PIK3C2G: variants seen among roughly 807,000 people sequenced by gnomAD.
PIK3C2G encodes the protein phosphatidylinositol 3-kinase C2 domain-containing subunit gamma.
PIK3C2G carries 168 observed loss-of-function variants against 181.1 expected under a neutral mutation model. That is an observed-to-expected ratio of 0.93 (90% CI 0.82 to 1.05). The LOEUF is 1.05. PIK3C2G is among the 50% of genes least tolerant of loss of function. The pLI, the probability that PIK3C2G is intolerant of heterozygous loss-of-function variation, is 0.00. For missense variants in PIK3C2G, 1,869 were observed against 1,732.8 expected, an observed-to-expected ratio of 1.08 and a Z score of -1.40; for synonymous variants, 573 against 592.2, an observed-to-expected ratio of 0.97 and a Z score of 0.47.
At chr12:18,643,135 G>A (rs1253925944) in intron 32 of PIK3C2G, among the ~76,000 whole-genome samples, 1 of 151,950 alleles carries the variant, frequency 6.6e-6, no homozygotes, top group Non-Finnish European at 1.5e-5. Flanking sequence ...CAAGCTTTAT[G>A]TATTATAAGA....
intron 24 of PIK3C2G, among the ~76,000 whole-genome samples, chr12:18,535,880 T>C (rs1371888049): frequency 6.6e-6 from 1 of 152,014 alleles, no homozygotes; most frequent in African/African-American, 2.4e-5. Flanking sequence ...ACACCGCATG[T>C]TCTCACTCAC....
chr12:18,443,308 GTGTA>G (rs950166216), intron 18 of PIK3C2G, among the ~76,000 whole-genome samples: 12 of 152,104 alleles, frequency 7.9e-5, no homozygotes, highest in African/African-American at 1.9e-4. Context: ...GTGTTTGTGA[GTGTA>G]TGTATGTATG....
intron 25 of PIK3C2G, among the ~76,000 whole-genome samples, chr12:18,545,405 G>GGATC (rs1467770107): frequency 6.6e-6 from 1 of 151,724 alleles, no homozygotes; most frequent in Non-Finnish European, 1.5e-5. Context: ...TTTGTTTTAA[G>GGATC]GATCGATAGT....
intron 1 of PIK3C2G, among the ~76,000 whole-genome samples, chr12:18,271,117 C>T (rs1306290982): frequency 2.0e-5 from 3 of 152,090 alleles, no homozygotes; most frequent in African/African-American, 7.2e-5. Flanking sequence ...GACAGGCCCA[C>T]CACATTCTTC....
At chr12:18,366,391 G>A (rs770794466) in intron 12 of PIK3C2G, among the ~76,000 whole-genome samples, 4 of 152,100 alleles carry the variant, frequency 2.6e-5, no homozygotes, top group Non-Finnish European at 4.4e-5. Context: ...AAATTAGCCA[G>A]GCGTGGTGGC....
rs141656600 is a variant in PIK3C2G at position 18,385,718 on chromosome 12, G to A, written c.1995+3838G>A. Among the ~76,000 whole-genome samples, 38 of 152,058 alleles carry A rather than the reference G, an allele frequency of 2.5e-4. 1 individual carries two copies. Among genetic ancestry groups the A allele is most frequent in the Admixed American group, 2.1e-3 (32 of 15,270 alleles). ...CAAGTAGCTGGGATTACAGGTGTGC[G>A]CCACCATGCCCAGCTAATTTTTGTA... On this transcript the variant is annotated intron_variant, in intron 14 of 32. Transcript: ENST00000538779.
intron 14 of PIK3C2G, among the ~76,000 whole-genome samples, chr12:18,387,318 G>C (rs1471165260): frequency 6.6e-6 from 1 of 152,100 alleles, no homozygotes; most frequent in Non-Finnish European, 1.5e-5. Flanking sequence ...CCAGTTCCCT[G>C]CTTAGACTCT....
chr12:18,273,938 G>T (rs1948859153), intron 1 of PIK3C2G, among the ~76,000 whole-genome samples: 1 of 151,818 alleles, frequency 6.6e-6, no homozygotes, highest in Non-Finnish European at 1.5e-5. Flanking sequence ...AATCTACAAT[G>T]AACTCAAACA....
chr12:18,579,843 T>C (rs1240993342), intron 29 of PIK3C2G, among the ~76,000 whole-genome samples: 1 of 152,128 alleles, frequency 6.6e-6, no homozygotes. Context: ...TTATAAAGAA[T>C]AATAGAAACT....
At chr12:18,513,916 T>A (rs895966956) in intron 24 of PIK3C2G, among the ~76,000 whole-genome samples, 1 of 151,824 alleles carries the variant, frequency 6.6e-6, no homozygotes, top group African/African-American at 2.4e-5. Context: ...TTCTTCTGTC[T>A]CTAGACTTTT....
chr12:18,699,383 C>G, the PIK3C2G span, among the ~76,000 whole-genome samples: 1 of 152,186 alleles, frequency 6.6e-6, no homozygotes, highest in Non-Finnish European at 1.5e-5. Flanking sequence ...TCAGAGGTAT[C>G]GTTTAGAAAT....
At chr12:18,248,395 AC>A (rs761188758) in intron 1 of PIK3C2G, among the ~76,000 whole-genome samples, 8 of 151,800 alleles carry the variant, frequency 5.3e-5, no homozygotes, top group Non-Finnish European at 5.9e-5. Context: ...ACACGGTGAA[AC>A]CCCGTCTCTA....
At chr12:18,567,089 T>C (rs1565515827) in intron 29 of PIK3C2G, 32 bp downstream of exon 29, 1 of 972,568 alleles carries the variant, frequency 1.0e-6, no homozygotes, top group Admixed American at 2.0e-5. Context: ...TATTTTTACA[T>C]AAAACATCAA....
chr12:18,433,335 A>G (rs2135775705), intron 18 of PIK3C2G, among the ~76,000 whole-genome samples: 1 of 152,120 alleles, frequency 6.6e-6, no homozygotes, highest in Non-Finnish European at 1.5e-5. Flanking sequence ...CAACATGGTG[A>G]AACCCCATTT....
the PIK3C2G span, among the ~76,000 whole-genome samples, chr12:18,672,628 T>G: frequency 2.0e-5 from 3 of 152,194 alleles, no homozygotes; most frequent in Non-Finnish European, 4.4e-5. Context: ...TTTGACCTTT[T>G]CTTTACTGAC....
Position 18,609,542 on chromosome 12 carries a change from G to A in PIK3C2G, c.4095G>A (p.Lys1365=), listed in dbSNP as rs1565559203. Residue 1365 remains lysine (K), a synonymous_variant, in exon 31 of 33, where the codon AAG becomes AAA. Transcript: ENST00000538779. ...EESSPVYLGE[K]FPDKKPKVQL... is the part of the protein sequence containing the mutation. ...ATTCTATTCTTTTATCAGGTGAGAA[G>A]TTTCCAGACAAGAAGCCTAAGGTGC... The A allele has an allele frequency of 3.2e-6, 5 of 1,574,748 alleles. No individual in the cohort carries two copies. The South Asian group carries it at 4.6e-5, about 15-fold the overall frequency.
intron 25 of PIK3C2G, among the ~76,000 whole-genome samples, chr12:18,540,067 C>A (rs1387234963): frequency 6.6e-6 from 1 of 151,704 alleles, no homozygotes; most frequent in Non-Finnish European, 1.5e-5. Context: ...TAATAAATAT[C>A]CAGGTAGTAT....
At chr12:18,337,906 C>T (rs1938696330) in intron 8 of PIK3C2G, among the ~76,000 whole-genome samples, 2 of 152,178 alleles carry the variant, frequency 1.3e-5, no homozygotes, top group African/African-American at 2.4e-5. Context: ...AACACCTTAA[C>T]ACCACAACTG....
At chr12:18,296,790 A>G (rs995849336) in intron 5 of PIK3C2G, among the ~76,000 whole-genome samples, 10 of 152,068 alleles carry the variant, frequency 6.6e-5, no homozygotes, top group African/African-American at 2.4e-4. Flanking sequence ...TAAATAATAC[A>G]ATATATAATG....
Sources: gnomAD v4.1 joint callset for allele counts (sites outside exome capture counted in the v4.1 genomes callset) on GRCh38, gnomAD v4.1.1 for gene constraint, MANE v1.5 for transcripts, NCBI Gene and HGNC (gene_info 2026-07-23, HGNC 2026-07-21) for gene names.